The following SHROOM3 variants were observed in gnomAD, a reference collection of about 807,000 sequenced individuals.
SHROOM3 encodes shroom family member 3.
SHROOM3 carries 47 observed loss-of-function variants against 138.6 expected under a neutral mutation model. The ratio of observed to expected loss-of-function variants is 0.34; its 90% confidence interval spans 0.27 to 0.43. The LOEUF is 0.43. SHROOM3 is among the 20% of genes least tolerant of loss of function. SHROOM3 has a pLI of 1.00. For missense variants in SHROOM3, 2,491 were observed against 2,596.5 expected, an observed-to-expected ratio of 0.96 and a Z score of 0.88; for synonymous variants, 1,062 against 1,063.3, an observed-to-expected ratio of 1.00 and a Z score of 0.02.
chr4:76,445,992 C>T (rs1730797112), intron 1 of SHROOM3, among the ~76,000 whole-genome samples: 1 of 152,090 alleles, frequency 6.6e-6, no homozygotes, highest in South Asian at 2.1e-4. Context: ...GAGTTTTCCC[C>T]CTCCACCCCA....
intron 10 of SHROOM3, among the ~76,000 whole-genome samples, chr4:76,774,708 G>GTTTTTTTTTTTTTTTTTT (rs1158392432): frequency 2.2e-5 from 3 of 133,448 alleles, no homozygotes; most frequent in Non-Finnish European, 3.3e-5. Flanking sequence ...GGTTTTTTGG[G>GTTTTTTTTTTTTTTTTTT]GTTTTTTTTT....
chr4:76,760,361 G>A (rs1276175971), intron 9 of SHROOM3, among the ~76,000 whole-genome samples: 2 of 152,158 alleles, frequency 1.3e-5, no homozygotes, highest in African/African-American at 4.8e-5. Context: ...GTGTCTGCAG[G>A]GGAGAAAGTT....
rs529837112 is a variant in SHROOM3, at chr4:76,710,298, C to A, written c.455+11C>A. 1.2e-6 allele frequency: 2 copies of A among 1,613,598 alleles called. No homozygotes were observed. Among genetic ancestry groups the A allele is most frequent in the South Asian group, 2.2e-5 (2 of 91,054 alleles). On this transcript the variant is annotated intron_variant, in intron 3 of 10. Coordinates refer to ENST00000296043, the MANE Select transcript of SHROOM3 (RefSeq NM_020859.4). ...TCGGCTGAAGCACAGGTAAGACGCA[C>A]GGAAGTTGGTGCTGGCAGTTCGGAA...
chr4:76,681,639 G>GTGTGTATGTA (rs1719203288), intron 2 of SHROOM3, among the ~76,000 whole-genome samples: 1 of 120,392 alleles, frequency 8.3e-6, no homozygotes, highest in African/African-American at 3.1e-5. Context: ...GTGTGTATGT[G>GTGTGTATGTA]TCTGGATGAG....
chr4:76,522,213 T>C (rs567955441), intron 1 of SHROOM3, among the ~76,000 whole-genome samples: 1 of 149,136 alleles, frequency 6.7e-6, no homozygotes, highest in South Asian at 2.1e-4. Flanking sequence ...TAGTCTATAT[T>C]ATATATGAAT....
At chr4:76,454,002 G>A (rs1477705007) in intron 1 of SHROOM3, among the ~76,000 whole-genome samples, 1 of 152,018 alleles carries the variant, frequency 6.6e-6, no homozygotes, top group Non-Finnish European at 1.5e-5. Context: ...TCTAGTTTTA[G>A]CTTTGACATT....
chr4:76,644,739 T>C (rs1023651815), intron 2 of SHROOM3, among the ~76,000 whole-genome samples: 2 of 152,220 alleles, frequency 1.3e-5, no homozygotes, highest in African/African-American at 4.8e-5. Flanking sequence ...GGATTCACTT[T>C]CACTTTCAGC....
chr4:76,725,737 C>G (rs1183767331), intron 3 of SHROOM3, among the ~76,000 whole-genome samples: 3 of 152,178 alleles, frequency 2.0e-5, no homozygotes, highest in Admixed American at 6.5e-5. Flanking sequence ...TTGCCAGCAT[C>G]CACCTTTCTT....
intron 2 of SHROOM3, among the ~76,000 whole-genome samples, chr4:76,603,473 G>A (rs1427407709): frequency 1.3e-5 from 2 of 152,022 alleles, no homozygotes; most frequent in African/African-American, 4.8e-5. Context: ...ACCGTACTTT[G>A]CAACTAACAG....
intron 3 of SHROOM3, among the ~76,000 whole-genome samples, chr4:76,721,787 G>A (rs1307704928): frequency 6.6e-6 from 1 of 152,210 alleles, no homozygotes; most frequent in Admixed American, 6.5e-5. Context: ...TTGCATAACA[G>A]AACACTGGAA....
At chr4:76,577,582 G>A (rs577508778) in intron 2 of SHROOM3, among the ~76,000 whole-genome samples, 62 of 152,180 alleles carry the variant, frequency 4.1e-4, no homozygotes, top group Middle Eastern at 3.4e-3. Flanking sequence ...AACAATTCAC[G>A]TTTATCAATC....
chr4:76,568,612 G>T (rs912456087), intron 2 of SHROOM3, among the ~76,000 whole-genome samples: 1 of 152,112 alleles, frequency 6.6e-6, no homozygotes, highest in Non-Finnish European at 1.5e-5. Flanking sequence ...TCTTAGTAAG[G>T]TAGCCTGTCC....
chr4:76,533,880 G>A (rs1178719459), intron 1 of SHROOM3, among the ~76,000 whole-genome samples: 6 of 152,300 alleles, frequency 3.9e-5, no homozygotes, highest in African/African-American at 4.8e-5. Flanking sequence ...CCCGTGTCTC[G>A]AGTAGTGTCT....
chr4:76,767,193 C>A (rs1373818219), intron 9 of SHROOM3, among the ~76,000 whole-genome samples: 1 of 152,184 alleles, frequency 6.6e-6, no homozygotes. Flanking sequence ...GAACCATGCT[C>A]ACCTCAGGGC....
intron 1 of SHROOM3, among the ~76,000 whole-genome samples, chr4:76,534,331 T>G (rs1732903307): frequency 6.6e-6 from 1 of 152,202 alleles, no homozygotes; most frequent in African/African-American, 2.4e-5. Context: ...GGACCTTCAT[T>G]GAAACCCCCA....
intron 1 of SHROOM3, among the ~76,000 whole-genome samples, chr4:76,505,574 A>G (rs1415154712): frequency 6.6e-6 from 1 of 152,028 alleles, no homozygotes; most frequent in African/African-American, 2.4e-5. Flanking sequence ...AATAAATAAT[A>G]ATACAACAAT....
At chr4:76,499,219 A>G (rs1324685450) in intron 1 of SHROOM3, among the ~76,000 whole-genome samples, 2 of 152,226 alleles carry the variant, frequency 1.3e-5, no homozygotes, top group African/African-American at 2.4e-5. Context: ...TCTGTGTGGG[A>G]ATCATAGCTC....
chr4:76,750,184 T>G (rs1721573412), intron 6 of SHROOM3, among the ~76,000 whole-genome samples: 1 of 152,198 alleles, frequency 6.6e-6, no homozygotes, highest in Non-Finnish European at 1.5e-5. Flanking sequence ...GTTGAGGACT[T>G]TGGTGAGTTT....
At chr4:76,606,007 A>ATAT (rs1734611107) in intron 2 of SHROOM3, among the ~76,000 whole-genome samples, 10 of 77,822 alleles carry the variant, frequency 1.3e-4, no homozygotes, top group African/African-American at 2.6e-4. Flanking sequence ...ATATATATAT[A>ATAT]TTTTTTTTTT....
Sources: allele counts gnomAD v4.1 joint callset (sites outside exome capture counted in the v4.1 genomes callset), GRCh38; gene constraint gnomAD v4.1.1; transcripts MANE v1.5; gene names NCBI Gene and HGNC (gene_info 2026-07-23, HGNC 2026-07-21).